The following NALF1 variants were observed in gnomAD, a reference collection of about 807,000 sequenced individuals.
The protein encoded by NALF1 is NALCN channel auxiliary factor 1.
In NALF1, 3 loss-of-function variants were observed where a neutral mutation model predicts 48.4. The ratio of observed to expected loss-of-function variants is 0.06; its 90% CI spans 0.03 to 0.16. The LOEUF (loss-of-function observed/expected upper bound fraction) is 0.16, where lower values mean the gene tolerates loss of function less well. Ranked by LOEUF, NALF1 falls within the 10% of genes least tolerant of loss-of-function variation. NALF1 has a pLI of 1.00. For synonymous variants in NALF1, 262 were observed against 245.7 expected (o/e 1.07, Z -0.62); for missense variants, 526 against 571.5 (o/e 0.92, Z 0.81).
intron 1 of NALF1, among the ~76,000 whole-genome samples, chr13:107,753,828 T>G (rs1487289829): frequency 6.6e-6 from 1 of 152,146 alleles, no homozygotes; most frequent in African/African-American, 2.4e-5. Context: ...GTGTAGCTTT[T>G]AGGTTCAAAA....
Position 107,867,328 on chromosome 13 carries a change from CGCT to C in NALF1, c.-735_-733del, listed in dbSNP as rs1464623614. Among the ~76,000 whole-genome samples the C allele has an allele frequency of 1.5e-4, 18 of 123,072 alleles. No individual in the cohort carries two copies. The highest frequency in any genetic ancestry group is 1.4e-3 in the Admixed American group (17 of 12,456). The allele number at this position is 123,072 out of a possible 152,430, so 80.7% of individuals were successfully genotyped here. A position where few individuals can be genotyped will look rare whatever the true frequency, so the allele number is the denominator to read the frequency against. Reference sequence around the variant, plus strand: ...CTGCCGCCGCCGCCGCCGCCGCCGCCGCTGCCGCAGGGCCGCCCGCGGGCGCCG... The same window carrying C: ...CTGCCGCCGCCGCCGCCGCCGCCGCCGCCGCAGGGCCGCCCGCGGGCGCCG... On this transcript the variant is annotated 5_prime_UTR_variant, in exon 1 of 3. Coordinates refer to ENST00000375915, the MANE Select transcript of NALF1 (RefSeq NM_001080396.3). The surrounding 1 kb of genome is among the most constrained non-coding windows in gnomAD (Gnocchi z 4.4).
intron 1 of NALF1, among the ~76,000 whole-genome samples, chr13:107,650,634 T>G (rs1427819453): frequency 6.6e-6 from 1 of 151,980 alleles, no homozygotes; most frequent in Non-Finnish European, 1.5e-5. Context: ...TGGTGTATAC[T>G]GCCCGGGTGA....
intron 1 of NALF1, among the ~76,000 whole-genome samples, chr13:107,269,180 G>A (rs1219121836): frequency 6.8e-6 from 1 of 148,072 alleles, no homozygotes; most frequent in Non-Finnish European, 1.5e-5. Flanking sequence ...AAAAAAAAAA[G>A]AATTTAAAAA....
At chr13:107,238,958 G>A (rs1434175790) in intron 1 of NALF1, among the ~76,000 whole-genome samples, 1 of 151,986 alleles carries the variant, frequency 6.6e-6, no homozygotes, top group Non-Finnish European at 1.5e-5. Context: ...TTTTAATGGT[G>A]CAAGATTATA....
chr13:107,545,503 A>T (rs1877112174), intron 1 of NALF1, among the ~76,000 whole-genome samples: 1 of 152,090 alleles, frequency 6.6e-6, no homozygotes, highest in Non-Finnish European at 1.5e-5. Flanking sequence ...AGCAAACCAG[A>T]GATGTCTGTG....
At chr13:107,715,749 A>G (rs4772915) in intron 1 of NALF1, among the ~76,000 whole-genome samples, 149,769 of 152,304 alleles carry the variant, frequency 0.98, 73,696 homozygotes, top group East Asian at 1. Flanking sequence ...GAGGCCTCTC[A>G]CGTCTTTACA....
chr13:107,598,950 G>A (rs969102814), intron 1 of NALF1, among the ~76,000 whole-genome samples: 3 of 151,956 alleles, frequency 2.0e-5, no homozygotes, highest in East Asian at 3.9e-4. Context: ...TGCTCTTCCC[G>A]CCAAGACTAG....
intron 2 of NALF1, among the ~76,000 whole-genome samples, chr13:107,198,595 C>T (rs1045127860): frequency 1.1e-4 from 17 of 152,226 alleles, no homozygotes; most frequent in Non-Finnish European, 2.9e-5. Context: ...GAACAAATAA[C>T]ATTGAATATG....
At chr13:107,776,011 TC>T (rs1877721001) in intron 1 of NALF1, among the ~76,000 whole-genome samples, 1 of 152,180 alleles carries the variant, frequency 6.6e-6, no homozygotes, top group South Asian at 2.1e-4. Context: ...TGTTTTTCTC[TC>T]AAGTCAACTG....
At chr13:107,401,018 T>C (rs1329255733) in intron 1 of NALF1, among the ~76,000 whole-genome samples, 2 of 152,192 alleles carry the variant, frequency 1.3e-5, no homozygotes, top group East Asian at 1.9e-4. Context: ...GATACAGTAG[T>C]GACCCTTATC....
intron 1 of NALF1, among the ~76,000 whole-genome samples, chr13:107,544,173 A>G (rs970006977): frequency 9.2e-5 from 14 of 152,288 alleles, no homozygotes; most frequent in African/African-American, 3.1e-4. Flanking sequence ...TATGAAATTC[A>G]TTCTAAATAA....
At chr13:107,319,220 C>T (rs1252062844) in intron 1 of NALF1, among the ~76,000 whole-genome samples, 2 of 151,932 alleles carry the variant, frequency 1.3e-5, no homozygotes, top group African/African-American at 2.4e-5. Context: ...GGGTGGTGGG[C>T]GTTAGTGATA....
chr13:107,350,232 A>G (rs1882849514), intron 1 of NALF1, among the ~76,000 whole-genome samples: 1 of 152,186 alleles, frequency 6.6e-6, no homozygotes, highest in South Asian at 2.1e-4. Context: ...GTTCTGTGCA[A>G]TCAAGACAAA....
At chr13:107,699,028 T>G (rs1881758774) in intron 1 of NALF1, among the ~76,000 whole-genome samples, 1 of 152,146 alleles carries the variant, frequency 6.6e-6, no homozygotes, top group African/African-American at 2.4e-5. Flanking sequence ...CCTATCTTAC[T>G]CAAGCAGCCT....
chr13:107,609,724 TA>T (rs1309738591), intron 1 of NALF1, among the ~76,000 whole-genome samples: 1 of 152,208 alleles, frequency 6.6e-6, no homozygotes, highest in Non-Finnish European at 1.5e-5. Flanking sequence ...TTTCCCTCCT[TA>T]AAGGAAAATC....
chr13:107,225,689 C>G (rs1360156607), intron 1 of NALF1, among the ~76,000 whole-genome samples: 2 of 152,160 alleles, frequency 1.3e-5, no homozygotes, highest in Admixed American at 6.6e-5. Context: ...TTTAAATGCT[C>G]ACTCTGAAAG....
chr13:107,386,541 A>T (rs992287839), intron 1 of NALF1, among the ~76,000 whole-genome samples: 3 of 152,072 alleles, frequency 2.0e-5, no homozygotes, highest in Admixed American at 2.0e-4. Flanking sequence ...AGCCCAGTAA[A>T]TTCTTGTTTT....
chr13:107,374,287 A>C (rs1225508044), intron 1 of NALF1, among the ~76,000 whole-genome samples: 1 of 152,182 alleles, frequency 6.6e-6, no homozygotes, highest in African/African-American at 2.4e-5. Flanking sequence ...AATTCTGTCT[A>C]AAACATTCAC....
chr13:107,241,628 G>A (rs1354917710), intron 1 of NALF1, among the ~76,000 whole-genome samples: 1 of 152,174 alleles, frequency 6.6e-6, no homozygotes, highest in East Asian at 1.9e-4. Context: ...GATCGATACA[G>A]GCAAAGCCCT....
Sources: gnomAD v4.1 joint callset for allele counts (sites outside exome capture counted in the v4.1 genomes callset) on GRCh38, gnomAD v4.1.1 for gene constraint, Gnocchi (gnomAD v3.1) non-coding constraint, MANE v1.5 for transcripts, NCBI Gene and HGNC (gene_info 2026-07-23, HGNC 2026-07-21) for gene names.